The following IQSEC1 variants were observed in gnomAD, a reference collection of about 807,000 sequenced individuals.
IQSEC1 encodes the protein IQ motif and Sec7 domain ArfGEF 1.
Under a neutral mutation model 91.0 loss-of-function variants are expected in IQSEC1, and 31 were observed. That is an observed-to-expected ratio of 0.34 (90% CI 0.26 to 0.46). The LOEUF (loss-of-function observed/expected upper bound fraction) is 0.46. Ranked by LOEUF, IQSEC1 falls within the 20% of genes least tolerant of loss-of-function variation. The probability of loss-of-function intolerance (pLI) is 1.00; values close to 1 mark genes in which losing one functional copy is unlikely to be tolerated. For synonymous variants in IQSEC1, 699 were observed against 662.6 expected (o/e 1.05, Z -0.84); for missense variants, 1,388 against 1,575.6 (o/e 0.88, Z 2.02).
intron 1 of IQSEC1, among the ~76,000 whole-genome samples, chr3:13,002,406 C>T (rs1702455369): frequency 2.0e-5 from 3 of 151,912 alleles, no homozygotes; most frequent in Non-Finnish European, 4.4e-5. Flanking sequence ...AGATAAGGCC[C>T]TGCATAGGCT....
rs1270891520 is a variant in IQSEC1 at position 12,994,302 on chromosome 3, C to T, written c.24-52437G>A. 6.6e-6 allele frequency among the ~76,000 whole-genome samples: 1 copy of T among 151,670 alleles called. No individual in the cohort carries two copies. The highest frequency in any genetic ancestry group is 2.4e-5 in the African/African-American group (1 of 41,372). ...CCGTGACCTTGGCGGGTGGCCTCGCCGCGCCTGGCCTCAGTTTCCCCCCTC... is the reference window on the plus strand; with the variant it reads ...CCGTGACCTTGGCGGGTGGCCTCGCTGCGCCTGGCCTCAGTTTCCCCCCTC... On this transcript the variant is annotated intron_variant, in intron 1 of 13. Coordinates refer to ENST00000613206, the MANE Select transcript of IQSEC1 (RefSeq NM_001134382.3). This position sits in a 1 kb window ranked among gnomAD's most constrained non-coding sequence, Gnocchi z 4.5.
intron 1 of IQSEC1, among the ~76,000 whole-genome samples, chr3:13,219,133 G>A (rs559902021): frequency 1.3e-5 from 2 of 152,154 alleles, no homozygotes; most frequent in African/African-American, 2.4e-5. Flanking sequence ...TTAAAATAAC[G>A]TCACACCATG....
At chr3:13,161,857 G>A (rs1015323549) in intron 2 of IQSEC1, among the ~76,000 whole-genome samples, 3 of 152,188 alleles carry the variant, frequency 2.0e-5, no homozygotes, top group African/African-American at 7.2e-5. Context: ...TCGGAGCTGG[G>A]ACATATGCTC....
intron 2 of IQSEC1, among the ~76,000 whole-genome samples, chr3:13,096,924 G>A (rs1396014960): frequency 6.6e-6 from 1 of 150,422 alleles, no homozygotes; most frequent in African/African-American, 2.5e-5. Context: ...GCGGTGGCGC[G>A]ATCTCGGCTC....
At chr3:13,269,688 C>T (rs949481017) in intron 1 of IQSEC1, among the ~76,000 whole-genome samples, 1 of 152,216 alleles carries the variant, frequency 6.6e-6, no homozygotes, top group Non-Finnish European at 1.5e-5. Flanking sequence ...CAGCCACATT[C>T]CAGGCAGAGA....
At chr3:13,242,886 G>GA (rs2125105218) in intron 1 of IQSEC1, among the ~76,000 whole-genome samples, 1 of 151,966 alleles carries the variant, frequency 6.6e-6, no homozygotes, top group South Asian at 2.1e-4. Flanking sequence ...GGAGGGTGAG[G>GA]AAAAAAGAGA....
intron 1 of IQSEC1, among the ~76,000 whole-genome samples, chr3:13,045,017 T>G (rs1202069524): frequency 6.6e-6 from 1 of 152,260 alleles, no homozygotes; most frequent in Non-Finnish European, 1.5e-5. Context: ...TGGCCCTGTC[T>G]GTGTCTGAGG....
At chr3:13,196,387 A>G (rs145971275) in intron 1 of IQSEC1, among the ~76,000 whole-genome samples, 2 of 152,328 alleles carry the variant, frequency 1.3e-5, no homozygotes, top group East Asian at 3.9e-4. Context: ...AAGGTAACGC[A>G]TGAAGCCTGC....
Position 13,103,366 on chromosome 3 carries a change from T to A in IQSEC1, c.303-55844A>T, listed in dbSNP as rs144505811. On this transcript the variant is annotated intron_variant, in intron 2 of 15. Coordinates refer to the IQSEC1 transcript ENST00000648114. The surrounding 1 kb of genome is among the most constrained non-coding windows in gnomAD (Gnocchi z 4.1). ...CCAACACACCCGAGGCACCAATAGATCACCCTCTCCCCTCCACCTCTGTGG... is the reference window on the plus strand; with the variant it reads ...CCAACACACCCGAGGCACCAATAGAACACCCTCTCCCCTCCACCTCTGTGG... Among the ~76,000 whole-genome samples the A allele has an allele frequency of 2.2e-4, 33 of 152,090 alleles. No individual in the cohort carries two copies. The highest frequency in any genetic ancestry group is 4.4e-4 in the Non-Finnish European group (30 of 67,986).
At chr3:13,088,493 C>T (rs899947845) in intron 2 of IQSEC1, among the ~76,000 whole-genome samples, 3 of 152,032 alleles carry the variant, frequency 2.0e-5, no homozygotes, top group African/African-American at 7.2e-5. Flanking sequence ...AGCCTCCACA[C>T]CCCTCCCTGG....
intron 1 of IQSEC1, chr3:13,022,290 G>A: frequency 8.2e-7 from 1 of 1,215,106 alleles, no homozygotes; most frequent in Non-Finnish European, 1.0e-6. Context: ...ACAGGCCACT[G>A]CAGGGCTGAG....
intron 1 of IQSEC1, among the ~76,000 whole-genome samples, chr3:13,224,140 A>G (rs1694710825): frequency 6.6e-6 from 1 of 152,066 alleles, no homozygotes; most frequent in South Asian, 2.1e-4. Flanking sequence ...AGACTACACA[A>G]TCCAGGGCCG....
intron 1 of IQSEC1, among the ~76,000 whole-genome samples, chr3:13,245,036 C>T (rs187241380): frequency 1.2e-4 from 18 of 152,244 alleles, no homozygotes; most frequent in Non-Finnish European, 1.5e-4. Flanking sequence ...AAACAAACTG[C>T]CCCAAAACTT....
intron 1 of IQSEC1, among the ~76,000 whole-genome samples, chr3:13,275,678 C>CT (rs2125151566): frequency 6.6e-6 from 1 of 152,392 alleles, no homozygotes; most frequent in African/African-American, 2.4e-5. Flanking sequence ...CTGCACACCA[C>CT]TTGGCCCCCT....
chr3:13,273,071 C>A (rs998623757), intron 1 of IQSEC1, among the ~76,000 whole-genome samples: 3 of 152,198 alleles, frequency 2.0e-5, no homozygotes, highest in African/African-American at 7.2e-5. Context: ...TGCCACTCCT[C>A]TAGCAGGGAG....
chr3:13,072,849 C>A (rs1705481393), intron 1 of IQSEC1, 143 bp downstream of exon 1: 3 of 705,008 alleles, frequency 4.3e-6, no homozygotes, highest in Non-Finnish European at 7.4e-6. Flanking sequence ...GCGCCGGCAT[C>A]CCTGCTGGGT....
Position 12,909,606 on chromosome 3 carries a change from C to T in IQSEC1, c.2417-172G>A, listed in dbSNP as rs529513350. On this transcript the variant is annotated intron_variant, in intron 10 of 13. Coordinates refer to ENST00000613206, the MANE Select transcript of IQSEC1 (RefSeq NM_001134382.3). This position sits in a 1 kb window ranked among gnomAD's most constrained non-coding sequence, Gnocchi z 4.9. ...GCAGGGGTGCAGAGCAACCTCATCT[C>T]CCGACTTGGGAAAGATGGTCTGTGT... 1.3e-5 allele frequency among the ~76,000 whole-genome samples: 2 copies of T among 152,346 alleles called. No homozygotes were observed. The highest frequency in any genetic ancestry group is 4.1e-4 in the South Asian group (2 of 4,830).
At chr3:12,933,080 G>T (rs1261453807) in intron 3 of IQSEC1, among the ~76,000 whole-genome samples, 1 of 152,240 alleles carries the variant, frequency 6.6e-6, no homozygotes, top group South Asian at 2.1e-4. Context: ...AGGAAGGGGT[G>T]GGAACTGAGA....
chr3:13,048,837 C>T (rs1704586904), intron 1 of IQSEC1, among the ~76,000 whole-genome samples: 1 of 152,214 alleles, frequency 6.6e-6, no homozygotes, highest in African/African-American at 2.4e-5. Flanking sequence ...CACAATGCCT[C>T]CTTCTTCTCC....
Sources: gnomAD v4.1 joint callset for allele counts (sites outside exome capture counted in the v4.1 genomes callset) on GRCh38, gnomAD v4.1.1 for gene constraint, Gnocchi (gnomAD v3.1) non-coding constraint, MANE v1.5 for transcripts, NCBI Gene and HGNC (gene_info 2026-07-23, HGNC 2026-07-21) for gene names.